ANKRD31: variants seen among roughly 807,000 people sequenced by gnomAD.
The protein encoded by ANKRD31 is ankyrin repeat domain 31, also known as ankyrin repeat domain-containing protein 31.
ANKRD31 carries 147 observed loss-of-function variants against 186.0 expected under a neutral mutation model. The observed-to-expected ratio is 0.79, with a 90% CI of 0.69 to 0.91. The LOEUF (loss-of-function observed/expected upper bound fraction) is 0.91. Among genes scored for constraint, ANKRD31 ranks in the 40% least tolerant of loss-of-function variants. The probability of loss-of-function intolerance (pLI) is 0.00; values close to 1 mark genes in which losing one functional copy is unlikely to be tolerated. For missense variants in ANKRD31, 1,986 were observed against 2,148.8 expected (o/e 0.92, Z 1.50); for synonymous variants, 673 against 736.4 (o/e 0.91, Z 1.39).
At chr5:75,103,692 C>G (rs1232804656) in intron 22 of ANKRD31, among the ~76,000 whole-genome samples, 1 of 152,154 alleles carries the variant, frequency 6.6e-6, no homozygotes, top group Non-Finnish European at 1.5e-5. Context: ...AGATCATGTC[C>G]TCTGCAGAGA....
chr5:75,183,162 T>C (rs1013707813), intron 10 of ANKRD31, among the ~76,000 whole-genome samples: 2 of 152,102 alleles, frequency 1.3e-5, no homozygotes, highest in East Asian at 1.9e-4. Flanking sequence ...AAAAACCATA[T>C]GATCATTTCA....
At chr5:75,141,336 A>ATG (rs565934388) in intron 15 of ANKRD31, among the ~76,000 whole-genome samples, 2,696 of 150,848 alleles carry the variant, frequency 0.018, 60 homozygotes, top group African/African-American at 0.056. Context: ...TTGAAAACTT[A>ATG]TGTGTGTGTG....
chr5:75,220,421 C>A (rs910837629), intron 3 of ANKRD31, among the ~76,000 whole-genome samples: 2 of 152,050 alleles, frequency 1.3e-5, no homozygotes, highest in African/African-American at 4.8e-5. Context: ...GGGTGGATCA[C>A]CTGAGGTCGA....
At chr5:75,108,176 A>G (rs1747484956) in intron 20 of ANKRD31, among the ~76,000 whole-genome samples, 1 of 151,874 alleles carries the variant, frequency 6.6e-6, no homozygotes, top group Non-Finnish European at 1.5e-5. Context: ...CTTACACTAT[A>G]TATAATTATA....
chr5:75,201,845 C>T (rs1755844053), intron 5 of ANKRD31, among the ~76,000 whole-genome samples: 2 of 152,178 alleles, frequency 1.3e-5, no homozygotes, highest in Non-Finnish European at 2.9e-5. Flanking sequence ...TGTCTGAACC[C>T]TGCTATCTGT....
intron 12 of ANKRD31, among the ~76,000 whole-genome samples, chr5:75,153,142 T>C (rs1265877066): frequency 6.6e-6 from 1 of 152,074 alleles, no homozygotes; most frequent in Non-Finnish European, 1.5e-5. Flanking sequence ...GGCAAGTAGC[T>C]AAAGCCTTCA....
chr5:75,176,649 C>A (rs1229118716), intron 10 of ANKRD31, among the ~76,000 whole-genome samples: 1 of 152,178 alleles, frequency 6.6e-6, no homozygotes, highest in African/African-American at 2.4e-5. Context: ...CCAGTAAACT[C>A]CAACAGACCT....
chr5:75,110,307 C>T (rs767718583), intron 20 of ANKRD31, among the ~76,000 whole-genome samples: 13 of 152,094 alleles, frequency 8.5e-5, no homozygotes, highest in Non-Finnish European at 2.9e-5. Context: ...AAAGTATTTG[C>T]AGCAGTTATG....
chr5:75,112,364 T>C lies in ANKRD31; in HGVS notation c.4243+149A>G. The C allele has an allele frequency of 1.0e-5, 5 of 491,758 alleles. No individual in the cohort carries two copies. The Admixed American group carries it at 1.2e-4, about 12-fold the overall frequency. The allele number at this position is 491,758 out of a possible 1,614,324, so 30.5% of individuals were successfully genotyped here. On this transcript the variant is annotated intron_variant, in intron 20 of 25. Coordinates refer to ENST00000506364, the MANE Select transcript of ANKRD31 (RefSeq NM_001372053.1). ...TTTAAAGTAAGTCTACTTTTAATGA[T>C]ATTAATAATTCCTAGCACTTTAAAT...
chr5:75,233,000 T>C (rs977666133), intron 1 of ANKRD31, among the ~76,000 whole-genome samples: 1 of 152,192 alleles, frequency 6.6e-6, no homozygotes, highest in East Asian at 1.9e-4. Flanking sequence ...CACAACTGCC[T>C]CTCTTTGTTT....
At position 75,104,295 on chromosome 5, in the gene ANKRD31, T is replaced by C. The variant is rs1747146331; in HGVS notation, c.5264A>G (p.Gln1755Arg). 1.3e-6 allele frequency: 2 copies of C among 1,535,480 alleles called. No individual in the cohort carries two copies. The highest frequency in any genetic ancestry group is 2.4e-5 in the East Asian group (1 of 40,898). ...TCCTAGTAATATCAAATCTTTTATCTGAATACATTTCTTTTTAGGAGCTGT... is the reference window on the plus strand; with the variant it reads ...TCCTAGTAATATCAAATCTTTTATCCGAATACATTTCTTTTTAGGAGCTGT... ...YSTAPKKKCIQIKDLILLGRI... is the reference protein window; with the variant it reads ...YSTAPKKKCIRIKDLILLGRI... The change falls in exon 22 of 26, where the codon CAG becomes CGG. Residue 1755 changes from glutamine to arginine, a missense_variant. Coordinates refer to ENST00000506364, the MANE Select transcript of ANKRD31 (RefSeq NM_001372053.1).
intron 10 of ANKRD31, among the ~76,000 whole-genome samples, chr5:75,187,110 TTGTGTGTGTGTGTG>T (rs57013241): frequency 5.2e-5 from 6 of 116,184 alleles, no homozygotes; most frequent in South Asian, 3.2e-4. Flanking sequence ...TGATTCTGTT[TTGTGTGTGTGTGTG>T]TGTGTGTGTG....
At chr5:75,136,394 C>A (rs902474277) in intron 17 of ANKRD31, among the ~76,000 whole-genome samples, 3 of 152,082 alleles carry the variant, frequency 2.0e-5, no homozygotes, top group Non-Finnish European at 4.4e-5. Flanking sequence ...ATTTATGCAG[C>A]CAACAGACAC....
chr5:75,198,044 T>G (rs1007912505), intron 6 of ANKRD31, among the ~76,000 whole-genome samples: 1 of 152,200 alleles, frequency 6.6e-6, no homozygotes, highest in African/African-American at 2.4e-5. Flanking sequence ...GACTGGAACC[T>G]GACCACTGGT....
chr5:75,116,077 C>T (rs974238485), intron 19 of ANKRD31, among the ~76,000 whole-genome samples: 56 of 150,838 alleles, frequency 3.7e-4, no homozygotes, highest in African/African-American at 1.3e-3. Flanking sequence ...TACTATGCAG[C>T]CATAAAAAAG....
intron 22 of ANKRD31, among the ~76,000 whole-genome samples, chr5:75,095,401 C>G (rs568026256): frequency 4.3e-4 from 65 of 151,778 alleles, no homozygotes; most frequent in Middle Eastern, 3.4e-3. Flanking sequence ...ATGAACCCGG[C>G]AGGCAGAGCT....
At chr5:75,172,622 C>A (rs367795067) in intron 10 of ANKRD31, among the ~76,000 whole-genome samples, 7 of 151,966 alleles carry the variant, frequency 4.6e-5, no homozygotes, top group Admixed American at 6.6e-5. Context: ...CTACGCAAAT[C>A]AACTAGAAAA....
intron 7 of ANKRD31, among the ~76,000 whole-genome samples, chr5:75,194,626 C>G (rs1174159937): frequency 6.6e-6 from 1 of 152,072 alleles, no homozygotes; most frequent in Non-Finnish European, 1.5e-5. Flanking sequence ...AAATGACCAT[C>G]ATTAGTGAAT....
intron 10 of ANKRD31, among the ~76,000 whole-genome samples, chr5:75,169,631 C>T (rs1297863234): frequency 6.6e-6 from 1 of 152,152 alleles, no homozygotes; most frequent in Non-Finnish European, 1.5e-5. Context: ...ACCAGTCATA[C>T]AGGCAAATAT....
Sources: gnomAD v4.1 joint callset for allele counts (sites outside exome capture counted in the v4.1 genomes callset) on GRCh38, gnomAD v4.1.1 for gene constraint, MANE v1.5 for transcripts, NCBI Gene and HGNC (gene_info 2026-07-23, HGNC 2026-07-21) for gene names.